Variants in LRP1B observed in about 807,000 individuals in gnomAD.
The protein encoded by LRP1B is low-density lipoprotein receptor-related protein 1B.
LRP1B carries 217 observed loss-of-function variants against 556.6 expected under a neutral mutation model. The observed-to-expected ratio is 0.39, with a 90% CI of 0.35 to 0.44. The LOEUF is 0.44. Ranked by LOEUF, LRP1B falls within the 20% of genes least tolerant of loss-of-function variation. The probability of loss-of-function intolerance (pLI) is 1.00; values close to 1 mark genes in which losing one functional copy is unlikely to be tolerated. For synonymous variants in LRP1B, 2,047 were observed against 1,865.8 expected, an observed-to-expected ratio of 1.10 and a Z score of -2.50; for missense variants, 5,053 against 5,620.8, an observed-to-expected ratio of 0.90 and a Z score of 3.23.
chr2:141,079,124 C>T (rs1699863449), intron 7 of LRP1B, among the ~76,000 whole-genome samples: 1 of 151,928 alleles, frequency 6.6e-6, no homozygotes, highest in Non-Finnish European at 1.5e-5. Flanking sequence ...TCTATCTTTA[C>T]ACTGAATTTT....
At chr2:140,274,371 A>G in intron 85 of LRP1B, 53 bp downstream of exon 85, 1 of 1,468,088 alleles carries the variant, frequency 6.8e-7, no homozygotes, top group South Asian at 1.1e-5. Context: ...ACTGAACTGC[A>G]ATGTCCATTG....
intron 7 of LRP1B, among the ~76,000 whole-genome samples, chr2:141,161,924 A>G (rs145127721): frequency 6.6e-6 from 1 of 152,250 alleles, no homozygotes; most frequent in Non-Finnish European, 1.5e-5. Context: ...TGCTTCGATG[A>G]AAGAAGCCAT....
chr2:141,940,910 A>G (rs1470148503), intron 1 of LRP1B, among the ~76,000 whole-genome samples: 1 of 152,178 alleles, frequency 6.6e-6, no homozygotes, highest in African/African-American at 2.4e-5. Context: ...TACTTACCCA[A>G]CGTCACCTAG....
intron 18 of LRP1B, among the ~76,000 whole-genome samples, chr2:140,980,558 A>G (rs574159598): frequency 6.6e-6 from 1 of 152,280 alleles, no homozygotes; most frequent in African/African-American, 2.4e-5. Context: ...TCTATACTTT[A>G]TTCAGAGGTT....
chr2:140,846,358 C>T (rs1692273628), intron 29 of LRP1B, among the ~76,000 whole-genome samples: 1 of 152,064 alleles, frequency 6.6e-6, no homozygotes, highest in Admixed American at 6.5e-5. Context: ...ACTATTTCTA[C>T]CTCCCCTCAC....
intron 20 of LRP1B, among the ~76,000 whole-genome samples, chr2:140,925,275 A>T (rs753713128): frequency 1.3e-5 from 2 of 152,122 alleles, no homozygotes; most frequent in African/African-American, 4.8e-5. Flanking sequence ...GACTGGTTTC[A>T]TAAACAAGAT....
chr2:141,850,470 A>G (rs1697809657), intron 1 of LRP1B, among the ~76,000 whole-genome samples: 1 of 151,624 alleles, frequency 6.6e-6, no homozygotes, highest in Non-Finnish European at 1.5e-5. Context: ...GTTTTTAACT[A>G]AAAATGGTCA....
chr2:140,284,336 A>G (rs1481836888), intron 84 of LRP1B, among the ~76,000 whole-genome samples: 1 of 137,364 alleles, frequency 7.3e-6, no homozygotes, highest in Non-Finnish European at 1.6e-5. Flanking sequence ...CAGAGTGCAA[A>G]GTAATGACTC....
At chr2:140,748,432 T>A (rs1346550951) in intron 35 of LRP1B, among the ~76,000 whole-genome samples, 1 of 71,710 alleles carries the variant, frequency 1.4e-5, no homozygotes, top group African/African-American at 5.1e-5. Context: ...ATATTATATT[T>A]ATATATATAT....
chr2:142,117,515 G>C (rs1197069184), intron 1 of LRP1B, among the ~76,000 whole-genome samples: 3 of 152,026 alleles, frequency 2.0e-5, no homozygotes, highest in Non-Finnish European at 1.5e-5. Context: ...CGGCAACTCA[G>C]GGGTTGCATA....
chr2:140,726,183 T>C lies in LRP1B; in HGVS notation c.5759-9367A>G, dbSNP rs548160959. On this transcript the variant is annotated intron_variant, in intron 35 of 90. Coordinates refer to ENST00000389484, the MANE Select transcript of LRP1B (RefSeq NM_018557.3). ...AGCCCCTCTTCCCCTTACAATCCCA[T>C]TGCTATCCCATTTGCTATTAGTGGT... 2.0e-5 allele frequency among the ~76,000 whole-genome samples: 3 copies of C among 152,258 alleles called. No individual in the cohort carries two copies. The South Asian group carries it at 6.2e-4, about 32-fold the overall frequency.
chr2:141,463,444 T>C (rs1365883665), intron 3 of LRP1B, among the ~76,000 whole-genome samples: 1 of 149,358 alleles, frequency 6.7e-6, no homozygotes, highest in African/African-American at 2.5e-5. Context: ...CAAATAACCT[T>C]TGGGAGAAAA....
intron 79 of LRP1B, among the ~76,000 whole-genome samples, chr2:140,329,584 A>G (rs555624208): frequency 6.6e-6 from 1 of 152,212 alleles, no homozygotes; most frequent in African/African-American, 2.4e-5. Context: ...AATCACAAGC[A>G]TTCCTATACA....
intron 21 of LRP1B, among the ~76,000 whole-genome samples, chr2:140,911,715 C>T (rs544855668): frequency 1.1e-3 from 165 of 151,804 alleles, no homozygotes; most frequent in Non-Finnish European, 1.5e-3. Context: ...AAGTCATTTG[C>T]AAGAGTTCAA....
chr2:140,604,868 G>A (rs920518104), intron 41 of LRP1B, among the ~76,000 whole-genome samples: 1 of 152,034 alleles, frequency 6.6e-6, no homozygotes, highest in Admixed American at 6.6e-5. Flanking sequence ...ATTTTATAAA[G>A]AGCAGTTCCA....
intron 41 of LRP1B, 63 bp from the exon 42 acceptor site, chr2:140,601,702 G>GA: frequency 8.3e-7 from 1 of 1,202,296 alleles, no homozygotes; most frequent in Non-Finnish European, 1.1e-6. Flanking sequence ...CTTCTGGACA[G>GA]AAAAAGCATT....
chr2:140,808,342 T>C (rs1690798597), intron 32 of LRP1B, among the ~76,000 whole-genome samples: 1 of 147,366 alleles, frequency 6.8e-6, no homozygotes, highest in African/African-American at 2.7e-5. Flanking sequence ...AATTATGTTT[T>C]ATATTTTTTT....
In LRP1B at chr2:141,693,316, C is replaced by A. The variant is rs146368709; in HGVS notation, c.205+116963G>T. ...TGGGCATCAGTTATCTGGCAACAAC[C>A]GCAAAATGAGAGGATTTGTCAACAT... is the stretch of plus-strand genomic sequence containing the variant. On this transcript the variant is annotated intron_variant, in intron 2 of 90. Transcript: ENST00000389484. 3.4e-3 allele frequency among the ~76,000 whole-genome samples: 510 copies of A among 151,972 alleles called. 3 individuals carry two copies. The highest frequency in any genetic ancestry group is 0.012 in the African/African-American group (485 of 41,486).
At chr2:141,270,036 C>A (rs1685031368) in intron 3 of LRP1B, among the ~76,000 whole-genome samples, 1 of 151,916 alleles carries the variant, frequency 6.6e-6, no homozygotes, top group Non-Finnish European at 1.5e-5. Flanking sequence ...ACAATATTTG[C>A]AAATCATACA....
Sources: gnomAD v4.1 joint callset for allele counts (sites outside exome capture counted in the v4.1 genomes callset) on GRCh38, gnomAD v4.1.1 for gene constraint, MANE v1.5 for transcripts, NCBI Gene and HGNC (gene_info 2026-07-23, HGNC 2026-07-21) for gene names.